The following NCKAP5 variants were observed in gnomAD, a reference collection of about 807,000 sequenced individuals.
NCKAP5 encodes the protein NCK associated protein 5.
A neutral mutation model predicts 167.0 loss-of-function variants in NCKAP5; 92 were observed. That is an observed-to-expected ratio of 0.55 (90% CI 0.47 to 0.66). The LOEUF (loss-of-function observed/expected upper bound fraction) is 0.66. NCKAP5 is among the 30% of genes least tolerant of loss of function. NCKAP5 has a pLI of 0.00. For missense variants in NCKAP5, 2,378 were observed against 2,315.0 expected (o/e 1.03, Z -0.56); for synonymous variants, 891 against 877.4 (o/e 1.02, Z -0.27).
At chr2:133,350,241 A>G (rs1411935413) in intron 3 of NCKAP5, among the ~76,000 whole-genome samples, 1 of 152,104 alleles carries the variant, frequency 6.6e-6, no homozygotes, top group African/African-American at 2.4e-5. Context: ...GTGAGATCCC[A>G]TCTCTACAAA....
At chr2:132,904,256 C>G (rs868528460) in intron 8 of NCKAP5, among the ~76,000 whole-genome samples, 7 of 149,820 alleles carry the variant, frequency 4.7e-5, no homozygotes, top group Non-Finnish European at 8.9e-5. Flanking sequence ...CCACTGCACT[C>G]CAGCCTGGGC....
intron 4 of NCKAP5, among the ~76,000 whole-genome samples, chr2:133,287,131 T>A (rs1489170954): frequency 6.6e-6 from 1 of 152,208 alleles, no homozygotes; most frequent in South Asian, 2.1e-4. Flanking sequence ...ACAAGACAAC[T>A]CATTCCATTT....
intron 6 of NCKAP5, 35 bp from the exon 7 acceptor site, chr2:132,994,274 A>C: frequency 6.8e-7 from 1 of 1,474,058 alleles, no homozygotes; most frequent in Non-Finnish European, 9.2e-7. Flanking sequence ...TTCTTAAAGA[A>C]GGTTTCTAAT....
At chr2:132,994,335 C>A (rs2077529971) in intron 6 of NCKAP5, 96 bp from the exon 7 acceptor site, 1 of 807,158 alleles carries the variant, frequency 1.2e-6, no homozygotes, top group South Asian at 1.8e-5. Context: ...GCGTATTTCC[C>A]AAGCTTCAAC....
At chr2:132,702,491 T>C (rs1326561717) in intron 19 of NCKAP5, among the ~76,000 whole-genome samples, 6 of 152,194 alleles carry the variant, frequency 3.9e-5, no homozygotes, top group Non-Finnish European at 8.8e-5. Context: ...CAGTTGTCTC[T>C]GGACTTGGAG....
chr2:132,767,670 C>A lies in NCKAP5; in HGVS notation c.5128+6146G>T, dbSNP rs72989552. 6.6e-4 allele frequency among the ~76,000 whole-genome samples: 101 copies of A among 152,274 alleles called. 1 individual carries two copies. The highest frequency in any genetic ancestry group is 2.4e-3 in the African/African-American group (99 of 41,546). ...TGAGTTGGTTTACCACATTAGCTAG[C>A]TAAAGTCTAGGAGAGGATAAGGAAT... On this transcript the variant is annotated intron_variant, in intron 16 of 19. Coordinates refer to ENST00000409261, the MANE Select transcript of NCKAP5 (RefSeq NM_207363.3).
At chr2:132,710,529 T>C (rs1030179663) in intron 19 of NCKAP5, among the ~76,000 whole-genome samples, 1 of 152,198 alleles carries the variant, frequency 6.6e-6, no homozygotes. Context: ...AAAGCCATTA[T>C]CCAGTTTCTT....
intron 19 of NCKAP5, among the ~76,000 whole-genome samples, chr2:132,690,212 C>T (rs898007317): frequency 5.3e-5 from 8 of 152,138 alleles, no homozygotes; most frequent in African/African-American, 1.9e-4. Flanking sequence ...AGGTTCCTCT[C>T]ACATCCCAAG....
At chr2:133,639,801 A>C in the NCKAP5 span, among the ~76,000 whole-genome samples, 1 of 152,122 alleles carries the variant, frequency 6.6e-6, no homozygotes, top group Admixed American at 6.5e-5. Flanking sequence ...GCACCAAACT[A>C]ATGCTAATAT....
intron 6 of NCKAP5, among the ~76,000 whole-genome samples, chr2:133,073,005 T>C (rs2080471309): frequency 6.6e-6 from 1 of 152,114 alleles, no homozygotes; most frequent in Non-Finnish European, 1.5e-5. Context: ...TTGAGAACTC[T>C]AAAAATAATA....
At chr2:132,749,928 C>A (rs1051533280) in intron 16 of NCKAP5, among the ~76,000 whole-genome samples, 4 of 152,120 alleles carry the variant, frequency 2.6e-5, no homozygotes, top group African/African-American at 7.2e-5. Flanking sequence ...AACTATGATG[C>A]CATGAGCCTC....
chr2:132,714,081 G>T (rs1345766531), intron 19 of NCKAP5, among the ~76,000 whole-genome samples: 1 of 152,168 alleles, frequency 6.6e-6, no homozygotes, highest in Non-Finnish European at 1.5e-5. Flanking sequence ...GCTGCTTATT[G>T]TGAAAGTAAA....
At chr2:132,848,166 T>C (rs1688808339) in intron 11 of NCKAP5, among the ~76,000 whole-genome samples, 1 of 152,210 alleles carries the variant, frequency 6.6e-6, no homozygotes, top group African/African-American at 2.4e-5. Flanking sequence ...AACAATCAAT[T>C]GTGGTAATCC....
chr2:133,567,253 T>C (rs1220036352), intron 1 of NCKAP5, among the ~76,000 whole-genome samples: 5 of 152,180 alleles, frequency 3.3e-5, no homozygotes, highest in Admixed American at 6.5e-5. Flanking sequence ...AGCTGGTAGC[T>C]TGAAGGACAG....
chr2:133,345,208 C>T (rs377593448), intron 3 of NCKAP5, among the ~76,000 whole-genome samples: 29 of 152,256 alleles, frequency 1.9e-4, no homozygotes, highest in East Asian at 1.7e-3. Flanking sequence ...TCTGCCCAGC[C>T]GCCCCATTGT....
chr2:133,442,977 C>T (rs74905832), intron 3 of NCKAP5, among the ~76,000 whole-genome samples: 2,076 of 152,298 alleles, frequency 0.014, 43 homozygotes, highest in African/African-American at 0.047. Context: ...TTTAAGGTTG[C>T]CTCTTGGTGC....
Position 132,920,701 on chromosome 2 carries a change from ACGTATATG to A in NCKAP5, c.580-41793_580-41786del, listed in dbSNP as rs1695269903. On this transcript the variant is annotated intron_variant, in intron 8 of 19. Coordinates refer to ENST00000409261, the MANE Select transcript of NCKAP5 (RefSeq NM_207363.3). The stretch of plus-strand genomic sequence containing the variant: ...TATAAGTTAGTTTATATATATATAT[ACGTATATG>A]TATATATATGTATATATATATATGT... Among the ~76,000 whole-genome samples the A allele has an allele frequency of 5.7e-4, 65 of 113,656 alleles. 2 individuals are homozygous for A. The highest frequency in any genetic ancestry group is 2.4e-3 in the African/African-American group (60 of 25,256). 74.6% of individuals were successfully genotyped at this position (113,656 alleles called of 152,430 possible).
intron 3 of NCKAP5, among the ~76,000 whole-genome samples, chr2:133,371,850 C>T (rs529149375): frequency 4.3e-4 from 65 of 152,180 alleles, no homozygotes; most frequent in African/African-American, 1.5e-3. Context: ...AATTACTTGT[C>T]GCCATCCCAA....
chr2:133,367,855 A>C (rs1685551033), intron 3 of NCKAP5, among the ~76,000 whole-genome samples: 2 of 152,270 alleles, frequency 1.3e-5, no homozygotes, highest in South Asian at 2.1e-4. Context: ...AAATTAAAGA[A>C]ACAAACAAAC....
Sources: allele counts gnomAD v4.1 joint callset (sites outside exome capture counted in the v4.1 genomes callset), GRCh38; gene constraint gnomAD v4.1.1; transcripts MANE v1.5; gene names NCBI Gene and HGNC (gene_info 2026-07-23, HGNC 2026-07-21).